OPTN: variants seen among roughly 807,000 people sequenced by gnomAD.
OPTN encodes E3-14.7K-interacting protein.
Under a neutral mutation model 70.4 loss-of-function variants are expected in OPTN, and 54 were observed. That is an observed-to-expected ratio of 0.77 (90% confidence interval 0.62 to 0.96). The LOEUF (loss-of-function observed/expected upper bound fraction) is 0.96, where lower values mean the gene tolerates loss of function less well. OPTN is among the 40% of genes least tolerant of loss of function. The pLI, the probability that OPTN is intolerant of heterozygous loss-of-function variation, is 0.00. For missense variants in OPTN, 624 were observed against 673.2 expected (o/e 0.93, Z 0.81); for synonymous variants, 256 against 248.5 (o/e 1.03, Z -0.28).
intron 7 of OPTN, among the ~76,000 whole-genome samples, chr10:13,121,978 C>T (rs750466360): frequency 3.3e-5 from 5 of 152,098 alleles, no homozygotes; most frequent in Non-Finnish European, 7.4e-5. Flanking sequence ...GTCGTTTATT[C>T]GGTGACTTTT....
chr10:13,101,603 G>T (rs952422204), intron 1 of OPTN, among the ~76,000 whole-genome samples: 1 of 151,390 alleles, frequency 6.6e-6, no homozygotes, highest in Non-Finnish European at 1.5e-5. Context: ...AAAGGAAAAA[G>T]AAAAAAATTA....
chr10:13,109,034 C>A, intron 2 of OPTN, 78 bp from the exon 3 acceptor site: 1 of 1,316,690 alleles, frequency 7.6e-7, no homozygotes, highest in East Asian at 2.3e-5. Context: ...TAGCAATCGC[C>A]AATGGGTTTG....
Position 13,125,490 on chromosome 10 carries a change from T to C in OPTN, c.1071T>C (p.Thr357=). The C allele has an allele frequency of 2.5e-6, 4 of 1,614,102 alleles. No individual in the cohort carries two copies. The highest frequency in any genetic ancestry group is 3.4e-6 in the Non-Finnish European group (4 of 1,179,988). Residue 357 remains threonine (T), a synonymous_variant, in exon 10 of 15, where the codon ACT becomes ACC. Coordinates refer to ENST00000378747, the MANE Select transcript of OPTN (RefSeq NM_001008212.2). ...ELNEKQELVY[T]NKKLELQVES... ...ATGAAAAGCAAGAGCTTGTTTATAC[T>C]AACAAAAAGTTAGAGCTACAAGTGG...
Position 13,125,493 on chromosome 10 carries a change from C to T in OPTN, c.1074C>T (p.Asn358=), listed in dbSNP as rs559506972. 2 of 1,613,958 alleles carry T rather than the reference C, an allele frequency of 1.2e-6. No individual in the cohort carries two copies. Among genetic ancestry groups the T allele is most frequent in the Admixed American group, 1.7e-5 (1 of 59,998 alleles). ...LNEKQELVYT[N]KKLELQVESM... Reference sequence around the variant, plus strand: ...AAAAGCAAGAGCTTGTTTATACTAACAAAAAGTTAGAGCTACAAGTGGAAA... The same window carrying T: ...AAAAGCAAGAGCTTGTTTATACTAATAAAAAGTTAGAGCTACAAGTGGAAA... The change falls in exon 10 of 15, where the codon AAC becomes AAT. Residue 358 remains asparagine, a synonymous_variant. Transcript: ENST00000378747.
Position 13,118,882 on chromosome 10 carries a change from G to T in OPTN, c.627-6G>T. The T allele has an allele frequency of 6.2e-7, 1 of 1,613,610 alleles. No individual in the cohort carries two copies. The highest frequency in any genetic ancestry group is 1.1e-5 in the South Asian group (1 of 91,038). On this transcript the variant is annotated splice_region_variant and splice_polypyrimidine_tract_variant and intron_variant, in intron 6 of 14. Coordinates refer to ENST00000378747, the MANE Select transcript of OPTN (RefSeq NM_001008212.2). ...ATGAAAACCTTTTAACCTTTATACT[G>T]AACAGGGCATTGTCTAAATATAGGA... is the stretch of plus-strand genomic sequence containing the variant.
At chr10:13,104,425 C>CTT (rs34844442) in intron 1 of OPTN, 55 of 148,362 alleles carry the variant, frequency 3.7e-4, no homozygotes, top group African/African-American at 1.5e-3. Flanking sequence ...CACCCAGCTA[C>CTT]TTTTTTTTTT....
intron 5 of OPTN, among the ~76,000 whole-genome samples, chr10:13,115,149 TATATATTTATA>T (rs1391420915): frequency 9.9e-6 from 1 of 100,888 alleles, no homozygotes; most frequent in Non-Finnish European, 1.8e-5. Flanking sequence ...TAGATATATC[TATATATTTATA>T]TATAGATATA....
intron 12 of OPTN, among the ~76,000 whole-genome samples, chr10:13,130,906 A>G (rs925573686): frequency 4.6e-5 from 7 of 152,066 alleles, no homozygotes; most frequent in African/African-American, 1.7e-4. Context: ...AAATTACTTA[A>G]TTTTTAAAAT....
At chr10:13,124,172 T>C (rs1554770377) in intron 9 of OPTN, 62 bp downstream of exon 9, 1 of 922,206 alleles carries the variant, frequency 1.1e-6, no homozygotes, top group South Asian at 1.5e-5. Context: ...AGTATACTAC[T>C]ATATAAAAAC....
intron 1 of OPTN, among the ~76,000 whole-genome samples, chr10:13,103,299 A>G (rs1832789515): frequency 6.6e-6 from 1 of 152,192 alleles, no homozygotes; most frequent in Admixed American, 6.5e-5. Context: ...GTCTCTGGTC[A>G]AAAAGCAAGT....
chr10:13,136,761 C>G lies in OPTN; in HGVS notation c.1629C>G (p.Asp543Glu), dbSNP rs1244322947. The G allele has an allele frequency of 6.2e-7, 1 of 1,614,066 alleles. No individual in the cohort carries two copies. The highest frequency in any genetic ancestry group is 1.7e-5 in the Admixed American group (1 of 60,024). Residue 543 changes from aspartate (D) to glutamate (E), a missense_variant, in exon 15 of 15, where the codon GAC becomes GAG. By Grantham distance (45) the Asp-to-Glu change is conservative (BLOSUM62 2). Transcript: ENST00000378747. ...YLVQRGAEDRDWRQQRNIPIH... is the reference protein window; with the variant it reads ...YLVQRGAEDREWRQQRNIPIH... The stretch of plus-strand genomic sequence containing the variant: ...TATTCCCAGGAGCTGAGGACAGGGA[C>G]TGGCGGCAACAGCGGAATATTCCGA...
At chr10:13,109,532 A>G in intron 3 of OPTN, 1 of 494,248 alleles carries the variant, frequency 2.0e-6, no homozygotes. Context: ...AGCCCATTCA[A>G]AAGGAAAAAG....
intron 5 of OPTN, among the ~76,000 whole-genome samples, chr10:13,113,131 C>T (rs897820618): frequency 2.0e-5 from 3 of 152,154 alleles, no homozygotes; most frequent in Non-Finnish European, 2.9e-5. Context: ...AAGAGATTCT[C>T]GTGCCTCAAC....
intron 3 of OPTN, among the ~76,000 whole-genome samples, chr10:13,109,834 CAA>C (rs33911800): frequency 2.4e-5 from 2 of 84,886 alleles, no homozygotes; most frequent in Non-Finnish European, 2.2e-5. Flanking sequence ...GACCCTGACT[CAA>C]AAAAAAAAAA....
At chr10:13,107,424 G>C (rs1343473959) in intron 1 of OPTN, among the ~76,000 whole-genome samples, 1 of 137,206 alleles carries the variant, frequency 7.3e-6, no homozygotes, top group Admixed American at 7.6e-5. Context: ...TGTCGCCCAT[G>C]CTGGAGTGCA....
intron 13 of OPTN, 131 bp from the exon 14 acceptor site, chr10:13,133,371 G>T: frequency 4.0e-6 from 3 of 743,098 alleles, no homozygotes; most frequent in Non-Finnish European, 7.1e-6. Context: ...ACTAAAATTA[G>T]TCTGGTTTTT....
At chr10:13,120,697 A>G (rs2131509004) in intron 7 of OPTN, among the ~76,000 whole-genome samples, 1 of 152,178 alleles carries the variant, frequency 6.6e-6, no homozygotes. Flanking sequence ...GTTCTGTTTC[A>G]TTGATCTATG....
At chr10:13,125,373 G>A (rs373392648) in intron 9 of OPTN, 45 bp from the exon 10 acceptor site, 25 of 1,611,074 alleles carry the variant, frequency 1.6e-5, no homozygotes, top group Middle Eastern at 1.8e-4. Context: ...CCACTGCGAC[G>A]TAAAGGAGCA....
At chr10:13,101,765 C>A (rs1262151835) in intron 1 of OPTN, among the ~76,000 whole-genome samples, 2 of 151,986 alleles carry the variant, frequency 1.3e-5, no homozygotes, top group Non-Finnish European at 2.9e-5. Flanking sequence ...TCTAATTTTT[C>A]AAATAAGTTA....
Sources: allele counts gnomAD v4.1 joint callset (sites outside exome capture counted in the v4.1 genomes callset), GRCh38; gene constraint gnomAD v4.1.1; transcripts MANE v1.5; gene names NCBI Gene and HGNC (gene_info 2026-07-23, HGNC 2026-07-21).